Variants in WNK3 observed in about 807,000 individuals in gnomAD.
WNK3 encodes serine/threonine-protein kinase WNK3.
A neutral mutation model predicts 116.7 loss-of-function variants in WNK3; 18 were observed. The ratio of observed to expected loss-of-function variants is 0.15; its 90% CI spans 0.11 to 0.23. The LOEUF (loss-of-function observed/expected upper bound fraction) is 0.23, where lower values mean the gene tolerates loss of function less well. Among genes scored for constraint, WNK3 ranks in the 10% least tolerant of loss-of-function variants. The pLI is 1.00. For synonymous variants in WNK3, 404 were observed against 469.4 expected, an observed-to-expected ratio of 0.86 and a Z score of 1.80; for missense variants, 993 against 1,323.8, an observed-to-expected ratio of 0.75 and a Z score of 3.88.
chrX:54,232,111 G>GTATA lies in WNK3; in HGVS notation c.4840+697_4840+698insTATA, dbSNP rs1408295336. ...TCTGTGTATATGTGTGTGTGTGTGT[G>GTATA]TGTATATATATATATATATATATAT... On this transcript the variant is annotated intron_variant, in intron 21 of 23. Transcript: ENST00000354646. Among the ~76,000 whole-genome samples, 220 of 95,538 alleles carry GTATA rather than the reference G, an allele frequency of 2.3e-3. 1 individual carries two copies. The highest frequency in any genetic ancestry group is 9.9e-3 in the African/African-American group (212 of 21,496). 83.0% of individuals were successfully genotyped at this position (95,538 alleles called of 115,157 possible).
intron 22 of WNK3, among the ~76,000 whole-genome samples, chrX:54,209,508 T>C (rs1325306852): frequency 9.3e-6 from 1 of 107,518 alleles, no homozygotes; most frequent in African/African-American, 3.4e-5. Context: ...ACATGTATAA[T>C]TGTGGGCAGG....
chrX:54,233,409 G>C (rs1557149474), intron 20 of WNK3, among the ~76,000 whole-genome samples: 1 of 94,131 alleles, frequency 1.1e-5, no homozygotes, highest in East Asian at 3.7e-4. Context: ...CTGCACTCCA[G>C]ACTGGGTGAC....
chrX:54,349,816 G>C (rs2069489013), intron 1 of WNK3, among the ~76,000 whole-genome samples: 2 of 111,563 alleles, frequency 1.8e-5, no homozygotes, highest in South Asian at 7.6e-4. Context: ...GGAGTTGAAG[G>C]CTGCAGTGAA....
chrX:54,357,423 C>T (rs1427065615), intron 1 of WNK3, among the ~76,000 whole-genome samples: 2 of 111,705 alleles, frequency 1.8e-5, no homozygotes, highest in Non-Finnish European at 3.8e-5. Flanking sequence ...CACTTTCCCC[C>T]TGTTCATTTT....
chrX:54,356,486 G>A (rs1389429870), intron 1 of WNK3, among the ~76,000 whole-genome samples: 1 of 110,887 alleles, frequency 9.0e-6, no homozygotes, highest in Non-Finnish European at 1.9e-5. Context: ...AAGCTTTAGT[G>A]CATTTTTGCT....
At chrX:54,281,492 A>T (rs782121354) in intron 10 of WNK3, among the ~76,000 whole-genome samples, 81 of 110,850 alleles carry the variant, frequency 7.3e-4, no homozygotes, top group African/African-American at 2.3e-3. Context: ...TCAAAAAAAA[A>T]TTTTTTTTCA....
intron 10 of WNK3, among the ~76,000 whole-genome samples, chrX:54,260,975 C>T (rs782478905): frequency 5.8e-4 from 63 of 109,191 alleles, no homozygotes; most frequent in African/African-American, 2.0e-3. Flanking sequence ...AGTGATCCAC[C>T]TGCCTTGGCC....
chrX:54,281,884 T>C (rs1478550112), intron 10 of WNK3, among the ~76,000 whole-genome samples: 2 of 111,903 alleles, frequency 1.8e-5, no homozygotes, highest in African/African-American at 6.5e-5. Context: ...GTTGTTTCCA[T>C]ATCTTGGCTA....
Position 54,321,110 on chromosome X carries a change from T to G in WNK3, c.538-9819A>C, listed in dbSNP as rs782656140. Reference sequence around the variant, plus strand: ...AGGAGTTTCGCCATGTTGGCCAGGCTGATCTCGAATGTCTGACCTCAGGTG... The same window carrying G: ...AGGAGTTTCGCCATGTTGGCCAGGCGGATCTCGAATGTCTGACCTCAGGTG... On this transcript the variant is annotated intron_variant, in intron 2 of 23. Coordinates refer to ENST00000354646, the Ensembl canonical transcript of WNK3. 2.7e-5 allele frequency among the ~76,000 whole-genome samples: 3 copies of G among 110,570 alleles called. No homozygotes were observed. In the East Asian group the frequency reaches 8.6e-4, roughly 32 times the overall value.
chrX:54,294,737 C>T (rs1557165906), exon 8 of WNK3: 2 of 1,209,008 alleles, frequency 1.7e-6, no homozygotes, highest in Non-Finnish European at 2.2e-6. Context: ...TGCGTTCTTC[C>T]AAACAGCCAG....
chrX:54,264,258 G>A (rs1203726948), intron 10 of WNK3, among the ~76,000 whole-genome samples: 1 of 108,584 alleles, frequency 9.2e-6, no homozygotes, highest in African/African-American at 3.4e-5. Flanking sequence ...GTTTGAACCC[G>A]GGAGGTGGAG....
At chrX:54,319,174 CT>C (rs1245092551) in intron 2 of WNK3, among the ~76,000 whole-genome samples, 10 of 109,951 alleles carry the variant, frequency 9.1e-5, no homozygotes, top group Non-Finnish European at 1.7e-4. Flanking sequence ...ATTAGTAATT[CT>C]TTTTTGAGAC....
chrX:54,311,380 T>G, intron 2 of WNK3, 89 bp from the exon 3 acceptor site: 1 of 661,485 alleles, frequency 1.5e-6, no homozygotes, highest in South Asian at 2.7e-5. Context: ...TTATTGCATA[T>G]ATGCATGGAT....
At chrX:54,232,743 A>G in intron 21 of WNK3, 66 bp downstream of exon 21, 1 of 916,060 alleles carries the variant, frequency 1.1e-6, no homozygotes, top group Non-Finnish European at 1.5e-6. Context: ...TTGTATTATA[A>G]TCATTTTACT....
chrX:54,301,544 A>G (rs1557167474), intron 6 of WNK3, among the ~76,000 whole-genome samples: 2 of 111,373 alleles, frequency 1.8e-5, no homozygotes, highest in Non-Finnish European at 3.8e-5. Context: ...CAAAAGGCAC[A>G]CACACACACA....
At chrX:54,318,307 C>T (rs1176381695) in intron 2 of WNK3, among the ~76,000 whole-genome samples, 1 of 107,277 alleles carries the variant, frequency 9.3e-6, no homozygotes, top group African/African-American at 3.4e-5. Context: ...TTGCAGTGAG[C>T]TGATATCATG....
At chrX:54,215,065 C>G (rs1569535402) in intron 22 of WNK3, among the ~76,000 whole-genome samples, 1 of 95,910 alleles carries the variant, frequency 1.0e-5, no homozygotes, top group African/African-American at 3.9e-5. Context: ...TGCAGTGAGC[C>G]GAGACTGTGC....
At chrX:54,202,691 G>GAA (rs72453299) in intron 22 of WNK3, among the ~76,000 whole-genome samples, 2 of 89,953 alleles carry the variant, frequency 2.2e-5, no homozygotes, top group Admixed American at 1.2e-4. Context: ...TCCGTCTCAA[G>GAA]AAAAAAAAAA....
chrX:54,222,068 A>G (rs1341138971), intron 22 of WNK3, among the ~76,000 whole-genome samples: 1 of 110,536 alleles, frequency 9.0e-6, no homozygotes, highest in Non-Finnish European at 1.9e-5. Context: ...GAGGAAGGAG[A>G]ATCGCTTGAA....
Sources: allele counts gnomAD v4.1 joint callset (sites outside exome capture counted in the v4.1 genomes callset), GRCh38; gene constraint gnomAD v4.1.1; transcripts MANE v1.5; gene names NCBI Gene and HGNC (gene_info 2026-07-23, HGNC 2026-07-21).